The following PCSK5 variants were observed in gnomAD, a reference collection of about 807,000 sequenced individuals.
The protein encoded by PCSK5 is proprotein convertase subtilisin/kexin type 5, also known as prohormone convertase 5.
A neutral mutation model predicts 233.2 loss-of-function variants in PCSK5; 129 were observed. The ratio of observed to expected loss-of-function variants is 0.55; its 90% confidence interval spans 0.48 to 0.64. The LOEUF (loss-of-function observed/expected upper bound fraction) is 0.64. Among genes scored for constraint, PCSK5 ranks in the 30% least tolerant of loss-of-function variants. PCSK5 has a pLI of 0.00. For synonymous variants in PCSK5, 825 were observed against 879.2 expected (o/e 0.94, Z 1.09); for missense variants, 2,076 against 2,430.1 (o/e 0.85, Z 3.06).
At chr9:75,944,358 A>G (rs920684740) in intron 2 of PCSK5, among the ~76,000 whole-genome samples, 1 of 152,100 alleles carries the variant, frequency 6.6e-6, no homozygotes, top group African/African-American at 2.4e-5. Context: ...GGATGCACAT[A>G]TGCATAAAAA....
chr9:75,890,665 C>T (rs1825548806), upstream of PCSK5: 1 of 153,750 alleles, frequency 6.5e-6, no homozygotes, highest in Non-Finnish European at 1.5e-5. Context: ...GCAGGAGCTG[C>T]TGCCATTGCC....
chr9:76,152,110 G>A (rs973403780), intron 10 of PCSK5, among the ~76,000 whole-genome samples: 1 of 152,170 alleles, frequency 6.6e-6, no homozygotes, highest in African/African-American at 2.4e-5. Context: ...CAGGATGCCT[G>A]ACTGCCCTCT....
intron 12 of PCSK5, 124 bp downstream of exon 12, chr9:76,159,295 T>A: frequency 1.3e-6 from 1 of 775,108 alleles, no homozygotes; most frequent in Non-Finnish European, 2.1e-6. Context: ...TGCTTAGATG[T>A]CAGGATCTCA....
intron 27 of PCSK5, among the ~76,000 whole-genome samples, chr9:76,299,000 A>G (rs1422327145): frequency 6.6e-6 from 1 of 152,224 alleles, no homozygotes; most frequent in Non-Finnish European, 1.5e-5. Flanking sequence ...AACCAACCCC[A>G]TGAGCATCTA....
At chr9:75,957,656 G>A (rs1188529165) in intron 2 of PCSK5, among the ~76,000 whole-genome samples, 1 of 152,160 alleles carries the variant, frequency 6.6e-6, no homozygotes, top group Non-Finnish European at 1.5e-5. Flanking sequence ...TAGCTGGCTT[G>A]TTAGTATCTG....
At chr9:75,930,242 C>T (rs1304104102) in intron 1 of PCSK5, among the ~76,000 whole-genome samples, 2 of 152,128 alleles carry the variant, frequency 1.3e-5, no homozygotes, top group Non-Finnish European at 2.9e-5. Context: ...CCCACTGGGT[C>T]CCTCCCACAA....
intron 2 of PCSK5, among the ~76,000 whole-genome samples, chr9:75,946,230 T>G (rs574227265): frequency 6.6e-6 from 1 of 152,374 alleles, no homozygotes; most frequent in East Asian, 1.9e-4. Context: ...TTTATGGTGA[T>G]GTACACGGTA....
chr9:76,315,736 G>A (rs774088739), intron 30 of PCSK5, among the ~76,000 whole-genome samples: 13 of 149,624 alleles, frequency 8.7e-5, no homozygotes, highest in South Asian at 4.2e-4. Flanking sequence ...AGGTTCAAGC[G>A]ATTCTTCTGC....
At chr9:76,124,845 T>A (rs184580027) in intron 9 of PCSK5, among the ~76,000 whole-genome samples, 24 of 152,128 alleles carry the variant, frequency 1.6e-4, no homozygotes, top group Admixed American at 1.2e-3. Context: ...CCATGTCAAT[T>A]TACTCTTTCC....
chr9:76,171,966 T>C (rs572814502), intron 13 of PCSK5, among the ~76,000 whole-genome samples: 1 of 152,252 alleles, frequency 6.6e-6, no homozygotes, highest in African/African-American at 2.4e-5. Context: ...CATGTGTCTA[T>C]ATCATTGTTT....
chr9:76,053,881 C>T (rs1346436604), intron 5 of PCSK5, among the ~76,000 whole-genome samples: 1 of 152,152 alleles, frequency 6.6e-6, no homozygotes, highest in Non-Finnish European at 1.5e-5. Context: ...CACCCCACTA[C>T]CCAGTACCAA....
intron 30 of PCSK5, 78 bp downstream of exon 30, chr9:76,310,929 AC>A (rs1828848657): frequency 1.0e-6 from 1 of 970,440 alleles, no homozygotes; most frequent in Admixed American, 2.9e-5. Context: ...TTTCTTATTC[AC>A]CAAAAAACTC....
chr9:76,215,082 G>A (rs1446307906), intron 20 of PCSK5, among the ~76,000 whole-genome samples: 1 of 152,150 alleles, frequency 6.6e-6, no homozygotes, highest in Non-Finnish European at 1.5e-5. Context: ...CTAGACAATT[G>A]CATAAGCCAA....
At chr9:76,028,428 TG>T (rs1431674664) in intron 5 of PCSK5, among the ~76,000 whole-genome samples, 2 of 152,052 alleles carry the variant, frequency 1.3e-5, no homozygotes, top group Non-Finnish European at 2.9e-5. Flanking sequence ...GATAATTTGG[TG>T]GGTAGCGACT....
intron 7 of PCSK5, among the ~76,000 whole-genome samples, chr9:76,094,342 AG>A (rs1420353533): frequency 2.6e-5 from 4 of 152,272 alleles, no homozygotes; most frequent in African/African-American, 9.6e-5. Context: ...GAAGGAAGAA[AG>A]TCTCTGCCAT....
intron 3 of PCSK5, among the ~76,000 whole-genome samples, chr9:76,005,448 A>G (rs1281418463): frequency 1.3e-5 from 2 of 152,234 alleles, no homozygotes; most frequent in Admixed American, 1.3e-4. Context: ...AATACTATAT[A>G]CACACTTTTT....
intron 2 of PCSK5, among the ~76,000 whole-genome samples, chr9:75,945,735 C>T (rs1213296198): frequency 6.6e-6 from 1 of 152,124 alleles, no homozygotes; most frequent in Non-Finnish European, 1.5e-5. Context: ...TTTTGCTCAT[C>T]ACACTTGGCC....
chr9:76,182,669 G>A (rs1186458216), intron 16 of PCSK5, among the ~76,000 whole-genome samples: 2 of 151,980 alleles, frequency 1.3e-5, no homozygotes, highest in Non-Finnish European at 2.9e-5. Flanking sequence ...ATAGTCTTAA[G>A]GTAGACCTAT....
At chr9:76,211,381 T>C (rs1346373188) in intron 20 of PCSK5, among the ~76,000 whole-genome samples, 3 of 152,248 alleles carry the variant, frequency 2.0e-5, no homozygotes, top group African/African-American at 7.2e-5. Flanking sequence ...CTAGCTGGAT[T>C]TGGAGAGGGA....
Sources: gnomAD v4.1 joint callset for allele counts (sites outside exome capture counted in the v4.1 genomes callset) on GRCh38, gnomAD v4.1.1 for gene constraint, MANE v1.5 for transcripts, NCBI Gene and HGNC (gene_info 2026-07-23, HGNC 2026-07-21) for gene names.